Variants in CASP6 observed in about 807,000 individuals in gnomAD.
CASP6 encodes the protein caspase 6, also known as caspase-6.
A neutral mutation model predicts 31.8 loss-of-function variants in CASP6; 20 were observed. The observed-to-expected ratio is 0.63, with a 90% CI of 0.44 to 0.91. CASP6 has a LOEUF of 0.91. Among genes scored for constraint, CASP6 ranks in the 40% least tolerant of loss-of-function variants. CASP6 has a pLI of 0.00. For synonymous variants in CASP6, 130 were observed against 127.8 expected (o/e 1.02, Z -0.12); for missense variants, 328 against 361.1 (o/e 0.91, Z 0.74).
At chr4:109,688,558 G>C (rs911197944), downstream of CASP6, 4 of 152,162 alleles carry the variant, frequency 2.6e-5, no homozygotes, top group African/African-American at 9.7e-5. Flanking sequence ...ACATTTAAAT[G>C]ACCGAGTAAA....
chr4:109,665,538 G>A, the CASP6 span, among the ~76,000 whole-genome samples: 1 of 152,068 alleles, frequency 6.6e-6, no homozygotes, highest in African/African-American at 2.4e-5. Flanking sequence ...GATACAAAAT[G>A]TTTGTTATAT....
At chr4:109,664,417 T>G in the CASP6 span, 1 of 856,754 alleles carries the variant, frequency 1.2e-6, no homozygotes. Context: ...GCTATCCAAC[T>G]ATTACTTTTT....
chr4:109,674,128 A>G, the CASP6 span: 1 of 1,386,466 alleles, frequency 7.2e-7, no homozygotes, highest in Non-Finnish European at 1.0e-6. Flanking sequence ...GCCTTAGAAG[A>G]AGAGATGCTG....
chr4:109,701,261 C>T (rs1730414127), intron 1 of CASP6, among the ~76,000 whole-genome samples: 1 of 152,064 alleles, frequency 6.6e-6, no homozygotes, highest in South Asian at 2.1e-4. Context: ...CCACGCCCGG[C>T]CTGCGTTAAT....
the CASP6 span, chr4:109,682,975 T>C: frequency 2.5e-6 from 1 of 398,052 alleles, no homozygotes. Context: ...TCACGTGGCC[T>C]GTGTTCAGAG....
In CASP6 at chr4:109,689,320, C is replaced by A; in HGVS notation, c.*10G>T. ...CAATACAGAGTGTAAAATTAGATAG[C>A]CTCTATTAATTAATTAGATTTTGGA... On this transcript the variant is annotated 3_prime_UTR_variant, in exon 7 of 7. Coordinates refer to ENST00000265164, the MANE Select transcript of CASP6 (RefSeq NM_001226.4). 1 of 1,608,230 alleles carries A rather than the reference C, an allele frequency of 6.2e-7. No homozygotes were observed. The highest frequency in any genetic ancestry group is 1.3e-5 in the African/African-American group (1 of 74,806).
the CASP6 span, among the ~76,000 whole-genome samples, chr4:109,683,595 T>C: frequency 6.6e-6 from 1 of 152,220 alleles, no homozygotes; most frequent in African/African-American, 2.4e-5. Flanking sequence ...TACATTCTTA[T>C]TTTATTCTCT....
chr4:109,682,934 C>CG, the CASP6 span: 2 of 512,466 alleles, frequency 3.9e-6, no homozygotes, highest in Non-Finnish European at 6.9e-6. Flanking sequence ...AGAGCTGTAT[C>CG]GCTAATACAT....
Position 109,697,707 on chromosome 4 carries a change from T to C in CASP6, c.145A>G (p.Ile49Val). The C allele has an allele frequency of 6.2e-7, 1 of 1,614,080 alleles. No homozygotes were observed. The change falls in exon 3 of 7, where the codon ATC (isoleucine) becomes GTC (valine). Residue 49 changes from isoleucine to valine, a missense_variant. Coordinates refer to ENST00000265164, the MANE Select transcript of CASP6 (RefSeq NM_001226.4). ...CAAAAGAACCTCTCATGATTGAAGA[T>C]TAAAGCAATTCCTCTCCTCCTGTGG... ...MDHRRRGIALIFNHERFFWHL... is the reference protein window; with the variant it reads ...MDHRRRGIALVFNHERFFWHL...
downstream of CASP6, chr4:109,684,839 T>G (rs1420989987): frequency 7.9e-6 from 4 of 504,134 alleles, no homozygotes; most frequent in Admixed American, 1.5e-4. Context: ...ATAACTTCTT[T>G]GGAGAAGTAA....
chr4:109,670,146 T>C, the CASP6 span, among the ~76,000 whole-genome samples: 1 of 152,206 alleles, frequency 6.6e-6, no homozygotes, highest in African/African-American at 2.4e-5. Flanking sequence ...CCTTTTATAA[T>C]ATAGTGATAA....
the CASP6 span, among the ~76,000 whole-genome samples, chr4:109,683,437 A>ATT: frequency 6.6e-6 from 1 of 152,096 alleles, no homozygotes; most frequent in Non-Finnish European, 1.5e-5. Flanking sequence ...ATCGTTTACC[A>ATT]TTTTAGTTTT....
the CASP6 span, among the ~76,000 whole-genome samples, chr4:109,666,950 G>A: frequency 1.3e-5 from 2 of 152,098 alleles, no homozygotes; most frequent in Non-Finnish European, 2.9e-5. Flanking sequence ...CTTAGTTGTG[G>A]TGTAGCAATC....
the CASP6 span, chr4:109,673,878 T>G: frequency 1.3e-6 from 1 of 772,722 alleles, no homozygotes; most frequent in Non-Finnish European, 2.4e-6. Flanking sequence ...TTCCTTCATA[T>G]GAGGAATATC....
chr4:109,685,697 A>T (rs1055073331), downstream of CASP6, among the ~76,000 whole-genome samples: 2 of 152,232 alleles, frequency 1.3e-5, no homozygotes, highest in Non-Finnish European at 2.9e-5. Flanking sequence ...TAAGGAACTT[A>T]AGGCATTTAT....
At chr4:109,703,233 G>T (rs1730483422) in intron 1 of CASP6, 123 bp downstream of exon 1, 2 of 1,165,972 alleles carry the variant, frequency 1.7e-6, no homozygotes, top group Non-Finnish European at 2.4e-6. Flanking sequence ...AGGCCGCCCT[G>T]CAAAGCCGAA....
the CASP6 span, among the ~76,000 whole-genome samples, chr4:109,665,384 C>T: frequency 2.0e-5 from 3 of 152,074 alleles, no homozygotes; most frequent in Non-Finnish European, 4.4e-5. Flanking sequence ...TATCAATTAG[C>T]CTATGGTAAA....
the CASP6 span, among the ~76,000 whole-genome samples, chr4:109,708,997 T>TG: frequency 6.6e-6 from 1 of 152,230 alleles, no homozygotes; most frequent in African/African-American, 2.4e-5. Context: ...TGACAGGTAA[T>TG]GCAACTTAAC....
At chr4:109,691,649 T>C (rs753898729) in intron 5 of CASP6, among the ~76,000 whole-genome samples, 23 of 152,218 alleles carry the variant, frequency 1.5e-4, no homozygotes, top group South Asian at 2.1e-4. Context: ...AAGTGACTTT[T>C]ACAAGCTGAA....
Sources: gnomAD v4.1 joint callset for allele counts (sites outside exome capture counted in the v4.1 genomes callset) on GRCh38, gnomAD v4.1.1 for gene constraint, MANE v1.5 for transcripts, NCBI Gene and HGNC (gene_info 2026-07-23, HGNC 2026-07-21) for gene names.